Variants in MIPOL1 observed in about 807,000 individuals in gnomAD.
The protein encoded by MIPOL1 is mirror-image polydactyly gene 1 protein.
In MIPOL1, 57 loss-of-function variants were observed where a neutral mutation model predicts 60.9. That is an observed-to-expected ratio of 0.94 (90% CI 0.76 to 1.17). The LOEUF (loss-of-function observed/expected upper bound fraction) is 1.17, where lower values mean the gene tolerates loss of function less well. Ranked by LOEUF, MIPOL1 falls within the 50% of genes most tolerant of loss-of-function variation. The probability of loss-of-function intolerance (pLI) is 0.00; values close to 1 mark genes in which losing one functional copy is unlikely to be tolerated. For synonymous variants in MIPOL1, 179 were observed against 168.8 expected (o/e 1.06, Z -0.47); for missense variants, 551 against 511.6 (o/e 1.08, Z -0.74).
intron 9 of MIPOL1, among the ~76,000 whole-genome samples, chr14:37,360,736 C>T (rs1481843333): frequency 6.6e-6 from 1 of 152,138 alleles, no homozygotes; most frequent in Non-Finnish European, 1.5e-5. Context: ...TGCTAGCAGT[C>T]TATCAATTTT....
In MIPOL1 at chr14:37,547,093, C is replaced by T; in HGVS notation, c.*122C>T. 2 of 728,740 alleles carry T rather than the reference C, an allele frequency of 2.7e-6. No individual in the cohort carries two copies. The highest frequency in any genetic ancestry group is 3.7e-5 in the South Asian group (2 of 53,598). 45.1% of individuals were successfully genotyped at this position (728,740 alleles called of 1,614,324 possible). ...AGTTGTTAGAAGTGGGACACTCCAA[C>T]CACATTCCAAGCTGAGATAAAATCA... On this transcript the variant is annotated 3_prime_UTR_variant, in exon 13 of 13. Coordinates refer to ENST00000684589, the MANE Select transcript of MIPOL1 (RefSeq NM_001388067.1).
At chr14:37,214,669 A>G (rs562048752) in intron 1 of MIPOL1, among the ~76,000 whole-genome samples, 6 of 152,292 alleles carry the variant, frequency 3.9e-5, no homozygotes, top group Admixed American at 3.3e-4. Flanking sequence ...CAGGCCATAC[A>G]GAGATAAGAG....
intron 11 of MIPOL1, among the ~76,000 whole-genome samples, chr14:37,430,226 A>G (rs746638193): frequency 6.6e-6 from 1 of 152,140 alleles, no homozygotes; most frequent in Non-Finnish European, 1.5e-5. Flanking sequence ...ATTACCGTAG[A>G]CAAGTTTCAA....
chr14:37,460,472 C>T (rs771153106), intron 11 of MIPOL1, among the ~76,000 whole-genome samples: 1 of 151,984 alleles, frequency 6.6e-6, no homozygotes, highest in African/African-American at 2.4e-5. Context: ...CCACTTTCAC[C>T]CCTCCCATTA....
chr14:37,214,102 G>T (rs183020840), intron 1 of MIPOL1, among the ~76,000 whole-genome samples: 1 of 152,220 alleles, frequency 6.6e-6, no homozygotes, highest in Non-Finnish European at 1.5e-5. Flanking sequence ...AGAATGAAAA[G>T]GATATTAATG....
At chr14:37,424,335 A>G (rs1016547908) in intron 11 of MIPOL1, among the ~76,000 whole-genome samples, 1 of 152,128 alleles carries the variant, frequency 6.6e-6, no homozygotes, top group Non-Finnish European at 1.5e-5. Context: ...GTGTCCCCAT[A>G]AAAAGGGGAA....
At chr14:37,394,189 A>G (rs1167824590) in intron 10 of MIPOL1, among the ~76,000 whole-genome samples, 1 of 150,162 alleles carries the variant, frequency 6.7e-6, no homozygotes, top group East Asian at 2.0e-4. Flanking sequence ...TGAATTCACA[A>G]AATTCAAGAT....
intron 11 of MIPOL1, among the ~76,000 whole-genome samples, chr14:37,445,568 A>C (rs1333517667): frequency 2.6e-5 from 4 of 151,608 alleles, no homozygotes; most frequent in African/African-American, 7.2e-5. Flanking sequence ...ATTGGAAAAA[A>C]CTACTTTAAA....
At chr14:37,226,271 G>T (rs115824478) in intron 1 of MIPOL1, among the ~76,000 whole-genome samples, 1 of 152,158 alleles carries the variant, frequency 6.6e-6, no homozygotes, top group Admixed American at 6.5e-5. Flanking sequence ...GTAATTTGCT[G>T]TATTAGTCTG....
intron 11 of MIPOL1, among the ~76,000 whole-genome samples, chr14:37,477,655 A>C (rs1413692433): frequency 1.3e-5 from 2 of 152,196 alleles, no homozygotes; most frequent in Admixed American, 1.3e-4. Flanking sequence ...ACCTCATGTG[A>C]CAAGTCACAT....
rs1566684028 is a variant in MIPOL1 at position 37,481,607 on chromosome 14, ACACAC to A, written c.1032-18299_1032-18295del. ...CACACACACACACACACACACACACACACACCGAAACCACATAGCCAAGGGAATCA... is the reference window on the plus strand; with the variant it reads ...CACACACACACACACACACACACACACGAAACCACATAGCCAAGGGAATCA... On this transcript the variant is annotated intron_variant, in intron 11 of 12. Coordinates refer to ENST00000684589, the MANE Select transcript of MIPOL1 (RefSeq NM_001388067.1). 3.9e-4 allele frequency among the ~76,000 whole-genome samples: 56 copies of A among 142,922 alleles called. 1 individual carries two copies. Among genetic ancestry groups the A allele is most frequent in the Admixed American group, 1.7e-3 (25 of 14,332 alleles). The allele number at this position is 142,922 out of a possible 152,430, so 93.8% of individuals were successfully genotyped here.
At position 37,381,165 on chromosome 14, in the gene MIPOL1, C is replaced by T. The variant is rs538725690; in HGVS notation, c.936+11541C>T. On this transcript the variant is annotated intron_variant, in intron 10 of 12. Coordinates refer to ENST00000684589, the MANE Select transcript of MIPOL1 (RefSeq NM_001388067.1). ...GAATATGTAAGACTCTCAGTGTTCC[C>T]AGGTCTTCCTCCTAGGCCTTTCCTA... is the stretch of plus-strand genomic sequence containing the variant. Among the ~76,000 whole-genome samples, 13 of 152,138 alleles carry T rather than the reference C, an allele frequency of 8.5e-5. No individual in the cohort carries two copies. The South Asian group carries it at 2.5e-3, about 29-fold the overall frequency.
chr14:37,514,758 A>G (rs2095356245), intron 12 of MIPOL1, among the ~76,000 whole-genome samples: 1 of 151,894 alleles, frequency 6.6e-6, no homozygotes, highest in Non-Finnish European at 1.5e-5. Flanking sequence ...AGCAGCTGGG[A>G]TTACAGGCAT....
At chr14:37,454,847 A>G (rs960936914) in intron 11 of MIPOL1, among the ~76,000 whole-genome samples, 8 of 152,272 alleles carry the variant, frequency 5.3e-5, no homozygotes, top group Middle Eastern at 6.8e-3. Flanking sequence ...ATTGTTTCTG[A>G]TTATTTCATT....
rs545042063 is a variant in MIPOL1, at chr14:37,420,421, A to G, written c.937-2434A>G. On this transcript the variant is annotated intron_variant, in intron 10 of 12. Coordinates refer to ENST00000684589, the MANE Select transcript of MIPOL1 (RefSeq NM_001388067.1). ...TAAAAGTAATTGCCAGAAATATGGG[A>G]ATAGGATGCCTGAAAGAAAAACAGG... Among the ~76,000 whole-genome samples, 11 of 152,270 alleles carry G rather than the reference A, an allele frequency of 7.2e-5. No individual in the cohort carries two copies. In the South Asian group the frequency reaches 2.3e-3, roughly 32 times the overall value.
intron 1 of MIPOL1, among the ~76,000 whole-genome samples, chr14:37,245,621 C>A (rs1293419745): frequency 6.6e-6 from 1 of 152,070 alleles, no homozygotes; most frequent in South Asian, 2.1e-4. Flanking sequence ...TAATTTATTA[C>A]TCTCTTCGTC....
intron 11 of MIPOL1, among the ~76,000 whole-genome samples, chr14:37,427,728 GC>G (rs1236394267): frequency 6.6e-6 from 1 of 152,060 alleles, no homozygotes; most frequent in Non-Finnish European, 1.5e-5. Flanking sequence ...TAAGTTTCCT[GC>G]AAGCTCAAAG....
intron 9 of MIPOL1, among the ~76,000 whole-genome samples, chr14:37,333,625 A>T (rs2089901651): frequency 6.6e-6 from 1 of 152,142 alleles, no homozygotes; most frequent in African/African-American, 2.4e-5. Flanking sequence ...AAGTAGGCTT[A>T]AAGGCAAGGA....
intron 1 of MIPOL1, among the ~76,000 whole-genome samples, chr14:37,229,281 A>G (rs1365963541): frequency 6.6e-6 from 1 of 152,096 alleles, no homozygotes; most frequent in Non-Finnish European, 1.5e-5. Context: ...GCCCCCAAGT[A>G]GCTGGGACTA....
Sources: gnomAD v4.1 joint callset for allele counts (sites outside exome capture counted in the v4.1 genomes callset) on GRCh38, gnomAD v4.1.1 for gene constraint, MANE v1.5 for transcripts, NCBI Gene and HGNC (gene_info 2026-07-23, HGNC 2026-07-21) for gene names.